The following OXR1 variants were observed in gnomAD, a reference collection of about 807,000 sequenced individuals.
The protein encoded by OXR1 is oxidation resistance 1, also known as oxidation resistance protein 1.
OXR1 carries 41 observed loss-of-function variants against 104.6 expected under a neutral mutation model. The observed-to-expected ratio is 0.39, with a 90% CI of 0.31 to 0.51. OXR1 has a LOEUF of 0.51. Among genes scored for constraint, OXR1 ranks in the 20% least tolerant of loss-of-function variants. The pLI is 0.77. For synonymous variants in OXR1, 348 were observed against 348.4 expected, an observed-to-expected ratio of 1.00 and a Z score of 0.01; for missense variants, 955 against 1,031.9, an observed-to-expected ratio of 0.93 and a Z score of 1.02.
chr8:106,363,112 G>A (rs1427357857), intron 2 of OXR1, among the ~76,000 whole-genome samples: 1 of 152,328 alleles, frequency 6.6e-6, no homozygotes, highest in African/African-American at 2.4e-5. Context: ...AGAAGTCACT[G>A]GATGAAAGGC....
chr8:106,683,422 T>G, intron 5 of OXR1, 116 bp downstream of exon 5: 1 of 506,996 alleles, frequency 2.0e-6, no homozygotes, highest in Non-Finnish European at 3.5e-6. Flanking sequence ...TATATGTGCT[T>G]TTAACAAATC....
At chr8:106,695,612 G>A (rs1587129009) in intron 7 of OXR1, among the ~76,000 whole-genome samples, 1 of 151,854 alleles carries the variant, frequency 6.6e-6, no homozygotes, top group African/African-American at 2.4e-5. Context: ...TAGAGAGGGG[G>A]TTTTACCATG....
intron 2 of OXR1, among the ~76,000 whole-genome samples, chr8:106,387,427 C>T (rs995916587): frequency 6.6e-6 from 1 of 152,152 alleles, no homozygotes; most frequent in Non-Finnish European, 1.5e-5. Context: ...CCAGGTTGCA[C>T]TAGGAGAAAC....
intron 3 of OXR1, among the ~76,000 whole-genome samples, chr8:106,571,803 G>A (rs956383129): frequency 1.3e-5 from 2 of 152,100 alleles, no homozygotes; most frequent in African/African-American, 4.8e-5. Flanking sequence ...AGAGTGGGCA[G>A]GCATAGAATA....
intron 3 of OXR1, among the ~76,000 whole-genome samples, chr8:106,561,420 C>G (rs1230735047): frequency 6.6e-6 from 1 of 152,170 alleles, no homozygotes; most frequent in Non-Finnish European, 1.5e-5. Flanking sequence ...CAGACTTCCT[C>G]TCTAGATTCC....
chr8:106,321,248 T>C (rs536258841), intron 1 of OXR1, among the ~76,000 whole-genome samples: 6 of 152,362 alleles, frequency 3.9e-5, no homozygotes, highest in African/African-American at 1.4e-4. Flanking sequence ...TGATGTTAAA[T>C]AAATTTTTCC....
intron 1 of OXR1, among the ~76,000 whole-genome samples, chr8:106,334,030 G>C (rs1044688629): frequency 2.0e-5 from 3 of 152,112 alleles, no homozygotes; most frequent in African/African-American, 7.2e-5. Flanking sequence ...TGGAGGAATT[G>C]TATTTAACCT....
At chr8:106,573,556 A>G (rs1817627380) in intron 3 of OXR1, among the ~76,000 whole-genome samples, 2 of 152,244 alleles carry the variant, frequency 1.3e-5, no homozygotes, top group Non-Finnish European at 2.9e-5. Context: ...AATGAAAGAC[A>G]TGATTTGAAG....
At chr8:106,459,361 G>A (rs948576225) in intron 2 of OXR1, among the ~76,000 whole-genome samples, 4 of 152,028 alleles carry the variant, frequency 2.6e-5, no homozygotes, top group African/African-American at 9.7e-5. Flanking sequence ...GTATGACACA[G>A]CAAGAAGGCC....
At position 106,563,511 on chromosome 8, in the gene OXR1, A is replaced by C. The variant is rs868019158; in HGVS notation, c.220+44372A>C. Reference sequence around the variant, plus strand: ...AAAGCAAGTTCTTAGAGACGTAAAAAGAGACTAAGACTCCCACACAATAAT... The same window carrying C: ...AAAGCAAGTTCTTAGAGACGTAAAACGAGACTAAGACTCCCACACAATAAT... On this transcript the variant is annotated intron_variant, in intron 3 of 16. Coordinates refer to ENST00000517566, the MANE Select transcript of OXR1 (RefSeq NM_001198533.2). 1.3e-4 allele frequency among the ~76,000 whole-genome samples: 20 copies of C among 152,298 alleles called. No homozygotes were observed. The Middle Eastern group carries it at 0.031, about 233-fold the overall frequency.
At chr8:106,530,120 C>T (rs1040920999) in intron 3 of OXR1, among the ~76,000 whole-genome samples, 3 of 152,016 alleles carry the variant, frequency 2.0e-5, no homozygotes, top group African/African-American at 4.8e-5. Flanking sequence ...GAACTAATGG[C>T]GATTTGAACA....
chr8:106,422,455 A>G (rs1818944538), intron 2 of OXR1, among the ~76,000 whole-genome samples: 1 of 152,208 alleles, frequency 6.6e-6, no homozygotes, highest in African/African-American at 2.4e-5. Context: ...GCTGTGTCTT[A>G]GAAAAAGACA....
intron 2 of OXR1, among the ~76,000 whole-genome samples, chr8:106,504,756 A>G (rs1355096062): frequency 6.6e-6 from 1 of 152,228 alleles, no homozygotes; most frequent in Non-Finnish European, 1.5e-5. Context: ...GAGGATTGAA[A>G]AATATACTGC....
intron 2 of OXR1, among the ~76,000 whole-genome samples, chr8:106,392,092 C>T (rs1180442933): frequency 4.6e-5 from 7 of 152,210 alleles, no homozygotes; most frequent in African/African-American, 9.6e-5. Flanking sequence ...TGTGGTCAAT[C>T]GCAGTTTGCT....
At chr8:106,692,693 C>A in intron 6 of OXR1, 35 bp from the exon 7 acceptor site, 1 of 1,127,840 alleles carries the variant, frequency 8.9e-7, no homozygotes, top group Non-Finnish European at 1.2e-6. Flanking sequence ...TTGTTTTCTG[C>A]TTTTTTTTTT....
intron 1 of OXR1, among the ~76,000 whole-genome samples, chr8:106,351,860 C>T (rs1815739117): frequency 1.3e-5 from 2 of 152,280 alleles, no homozygotes; most frequent in South Asian, 4.2e-4. Context: ...AAATTTTTAT[C>T]ATGAGCTTAT....
intron 2 of OXR1, among the ~76,000 whole-genome samples, chr8:106,513,506 G>A (rs566973211): frequency 2.0e-5 from 3 of 152,032 alleles, no homozygotes; most frequent in African/African-American, 7.2e-5. Context: ...ATACCACATT[G>A]CATACCACAT....
At chr8:106,617,261 A>G (rs534723194) in intron 3 of OXR1, among the ~76,000 whole-genome samples, 1 of 152,294 alleles carries the variant, frequency 6.6e-6, no homozygotes, top group South Asian at 2.1e-4. Context: ...CATCTCTACT[A>G]AAAATACAAA....
intron 6 of OXR1, among the ~76,000 whole-genome samples, chr8:106,687,565 C>G (rs1828856522): frequency 6.6e-6 from 1 of 151,988 alleles, no homozygotes; most frequent in Admixed American, 6.6e-5. Context: ...ACTAAAAATA[C>G]AAAAATTAGC....
Sources: gnomAD v4.1 joint callset for allele counts (sites outside exome capture counted in the v4.1 genomes callset) on GRCh38, gnomAD v4.1.1 for gene constraint, MANE v1.5 for transcripts, NCBI Gene and HGNC (gene_info 2026-07-23, HGNC 2026-07-21) for gene names.